CD99: variants seen among roughly 807,000 people sequenced by gnomAD.
CD99 encodes the protein CD99 molecule (Xg blood group).
In CD99, 19 loss-of-function variants were observed where a neutral mutation model predicts 28.4. The ratio of observed to expected loss-of-function variants is 0.67; its 90% CI spans 0.47 to 0.98. The LOEUF (loss-of-function observed/expected upper bound fraction) is 0.98, where lower values mean the gene tolerates loss of function less well. Ranked by LOEUF, CD99 falls within the 50% of genes least tolerant of loss-of-function variation. CD99 has a pLI of 0.00. For synonymous variants in CD99, 103 were observed against 92.1 expected, an observed-to-expected ratio of 1.12 and a Z score of -0.67; for missense variants, 283 against 248.8, an observed-to-expected ratio of 1.14 and a Z score of -0.92.
At chrX:2,724,812 T>G (rs2049186973) in intron 7 of CD99, among the ~76,000 whole-genome samples, 1 of 151,054 alleles carries the variant, frequency 6.6e-6, no homozygotes, top group South Asian at 2.1e-4. Flanking sequence ...GCACAAGAAT[T>G]GCTTGAACCC....
chrX:2,720,561 G>A, intron 5 of CD99, 137 bp downstream of exon 5: 1 of 503,732 alleles, frequency 2.0e-6, no homozygotes, highest in Non-Finnish European at 3.6e-6. Context: ...CCATGTTCAT[G>A]TAATGGAAAA....
At chrX:2,724,007 AAGG>A (rs1313320604) in intron 7 of CD99, among the ~76,000 whole-genome samples, 2 of 138,326 alleles carry the variant, frequency 1.4e-5, no homozygotes, top group East Asian at 2.5e-4. Flanking sequence ...AGAAGGAAGG[AAGG>A]AGGGAAGAAG....
At chrX:2,706,290 G>A (rs1274958100) in intron 1 of CD99, among the ~76,000 whole-genome samples, 1 of 152,102 alleles carries the variant, frequency 6.6e-6, no homozygotes, top group African/African-American at 2.4e-5. Context: ...AACCCGGGAG[G>A]CATAGCTTGC....
intron 1 of CD99, among the ~76,000 whole-genome samples, chrX:2,701,439 T>C (rs1057133040): frequency 1.3e-5 from 2 of 152,234 alleles, no homozygotes; most frequent in Non-Finnish European, 2.9e-5. Flanking sequence ...AGCACCATTG[T>C]GGATGGAAGG....
chrX:2,698,675 C>G (rs749127648), intron 1 of CD99, among the ~76,000 whole-genome samples: 1 of 152,314 alleles, frequency 6.6e-6, no homozygotes, highest in African/African-American at 2.4e-5. Context: ...TTCTGTCGCC[C>G]AGGCTGGTGG....
chrX:2,730,880 A>G (rs1202936006), intron 8 of CD99, among the ~76,000 whole-genome samples: 2 of 150,218 alleles, frequency 1.3e-5, no homozygotes, highest in East Asian at 2.0e-4. Flanking sequence ...CAGTGAGCCA[A>G]GATTGTGCCA....
At chrX:2,703,368 G>A (rs1353064889) in intron 1 of CD99, among the ~76,000 whole-genome samples, 1 of 152,040 alleles carries the variant, frequency 6.6e-6, no homozygotes, top group Non-Finnish European at 1.5e-5. Flanking sequence ...GAGTTATAGT[G>A]CTGTTGGCTT....
At chrX:2,720,665 C>A (rs1297072981) in intron 5 of CD99, among the ~76,000 whole-genome samples, 2 of 131,864 alleles carry the variant, frequency 1.5e-5, no homozygotes, top group Admixed American at 1.7e-4. Flanking sequence ...TGTTCTGTCA[C>A]CCAGGCTGGA....
chrX:2,697,011 A>G (rs1200519883), intron 1 of CD99, among the ~76,000 whole-genome samples: 1 of 152,172 alleles, frequency 6.6e-6, no homozygotes, highest in Non-Finnish European at 1.5e-5. Context: ...AGTGTTTCTC[A>G]AGTGGGCTGT....
chrX:2,724,913 C>A (rs1055832181), intron 7 of CD99, among the ~76,000 whole-genome samples: 3 of 134,024 alleles, frequency 2.2e-5, no homozygotes, highest in African/African-American at 6.3e-5. Flanking sequence ...AAAAAAAAAA[C>A]TAGCCAGGGG....
intron 1 of CD99, among the ~76,000 whole-genome samples, chrX:2,694,473 G>C (rs2047480145): frequency 1.3e-5 from 2 of 151,528 alleles, no homozygotes; most frequent in Admixed American, 6.6e-5. Context: ...ACTTTAGGCC[G>C]AGCACGGTGA....
intron 1 of CD99, among the ~76,000 whole-genome samples, chrX:2,703,451 G>C (rs183536277): frequency 2.0e-5 from 3 of 152,104 alleles, no homozygotes; most frequent in Admixed American, 1.3e-4. Context: ...CATAAAACGC[G>C]CTTAGGTAGT....
rs368583318 is a variant in CD99 at position 2,740,808 on chromosome X, A to G, written c.*4A>G. ...GCGTACTCTTTTAGAGAAATAGAAGATTGTCGGCAGAAACAGCCCAGGCGT... is the reference window on the plus strand; with the variant it reads ...GCGTACTCTTTTAGAGAAATAGAAGGTTGTCGGCAGAAACAGCCCAGGCGT... On this transcript the variant is annotated 3_prime_UTR_variant, in exon 10 of 10. Transcript: ENST00000381192. The G allele has an allele frequency of 6.9e-5, 111 of 1,613,748 alleles. 1 individual carries two copies. Among genetic ancestry groups the G allele is most frequent in the Middle Eastern group, 1.6e-4 (1 of 6,078 alleles).
At chrX:2,733,635 G>C (rs1293598726) in intron 8 of CD99, 6 of 546,766 alleles carry the variant, frequency 1.1e-5, no homozygotes, top group African/African-American at 9.4e-5. Flanking sequence ...GAGAAATGCA[G>C]ATATTTTCTT....
At chrX:2,706,366 AG>A (rs1306250541) in intron 1 of CD99, among the ~76,000 whole-genome samples, 30 of 152,160 alleles carry the variant, frequency 2.0e-4, no homozygotes, top group African/African-American at 4.3e-4. Flanking sequence ...TCTCAAAAAA[AG>A]GAAAAAACAA....
Position 2,734,956 on chromosome X carries a change from G to A in CD99, c.476-3244G>A, listed in dbSNP as rs191997953. Among the ~76,000 whole-genome samples, 263 of 152,168 alleles carry A rather than the reference G, an allele frequency of 1.7e-3. 2 individuals carry two copies. The highest frequency in any genetic ancestry group is 5.5e-3 in the African/African-American group (229 of 41,506). ...TGTTGGGGCACTGTATGGTGTGAGG[G>A]CACAAAACCTTGACCCACATGGGTC... On this transcript the variant is annotated intron_variant, in intron 8 of 9. Transcript: ENST00000381192.
chrX:2,722,579 C>T, intron 5 of CD99, 48 bp from the exon 6 acceptor site: 1 of 1,573,012 alleles, frequency 6.4e-7, no homozygotes, highest in Non-Finnish European at 8.8e-7. Flanking sequence ...CATGAAGACC[C>T]TTGGAGGAGT....
chrX:2,704,145 A>G (rs770448821), intron 1 of CD99, among the ~76,000 whole-genome samples: 1 of 152,306 alleles, frequency 6.6e-6, no homozygotes, highest in South Asian at 2.1e-4. Context: ...TGCCGGTGTG[A>G]GGCGTGCTCA....
At chrX:2,695,956 A>G (rs7053188) in intron 1 of CD99, among the ~76,000 whole-genome samples, 2,423 of 152,262 alleles carry the variant, frequency 0.016, 64 homozygotes, top group African/African-American at 0.053. Context: ...ACTGTCCTAC[A>G]TTCTTATTTG....
Sources: gnomAD v4.1 joint callset for allele counts (sites outside exome capture counted in the v4.1 genomes callset) on GRCh38, gnomAD v4.1.1 for gene constraint, MANE v1.5 for transcripts, NCBI Gene and HGNC (gene_info 2026-07-23, HGNC 2026-07-21) for gene names.